Variants in TET1 observed in about 807,000 individuals in gnomAD.
TET1 encodes methylcytosine dioxygenase TET1.
A neutral mutation model predicts 148.7 loss-of-function variants in TET1; 13 were observed. The ratio of observed to expected loss-of-function variants is 0.09; its 90% CI spans 0.06 to 0.14. The LOEUF is 0.14. TET1 is among the 10% of genes least tolerant of loss of function. The pLI is 1.00. For missense variants in TET1, 2,182 were observed against 2,553.8 expected, an observed-to-expected ratio of 0.85 and a Z score of 3.14; for synonymous variants, 907 against 937.2, an observed-to-expected ratio of 0.97 and a Z score of 0.59.
At chr10:68,596,042 A>ATATG (rs1327877827) in intron 2 of TET1, among the ~76,000 whole-genome samples, 5 of 138,784 alleles carry the variant, frequency 3.6e-5, no homozygotes, top group African/African-American at 1.4e-4. Context: ...ATATATATAT[A>ATATG]TACACATTTT....
At chr10:68,672,372 C>T (rs948280724) in intron 7 of TET1, among the ~76,000 whole-genome samples, 1 of 150,074 alleles carries the variant, frequency 6.7e-6, no homozygotes, top group Non-Finnish European at 1.5e-5. Flanking sequence ...CCTGTAATCT[C>T]GGCTACTCAG....
chr10:68,678,013 G>C (rs556336995), intron 8 of TET1, among the ~76,000 whole-genome samples: 1 of 150,054 alleles, frequency 6.7e-6, no homozygotes, highest in Non-Finnish European at 1.5e-5. Flanking sequence ...CACCCACCTC[G>C]GCCTTCCAAA....
At chr10:68,577,744 G>A (rs940682512) in intron 2 of TET1, among the ~76,000 whole-genome samples, 4 of 152,154 alleles carry the variant, frequency 2.6e-5, no homozygotes, top group Admixed American at 6.5e-5. Flanking sequence ...GGAGGGGGGC[G>A]TTGCAGTGAG....
intron 2 of TET1, among the ~76,000 whole-genome samples, chr10:68,578,398 A>G (rs1021886918): frequency 1.3e-5 from 2 of 152,104 alleles, no homozygotes; most frequent in Non-Finnish European, 2.9e-5. Context: ...AGCTGGGATT[A>G]CAGGCACCTG....
chr10:68,666,504 T>C (rs946910656), intron 6 of TET1, among the ~76,000 whole-genome samples: 1 of 152,212 alleles, frequency 6.6e-6, no homozygotes, highest in Non-Finnish European at 1.5e-5. Context: ...ATGGTTTTTT[T>C]CCATCGTCTA....
At chr10:68,615,585 A>G (rs554711677) in intron 3 of TET1, among the ~76,000 whole-genome samples, 1 of 151,998 alleles carries the variant, frequency 6.6e-6, no homozygotes, top group South Asian at 2.1e-4. Context: ...ACCTCAAGTG[A>G]TCCACCTGCC....
At chr10:68,682,301 G>A (rs1468576160) in intron 9 of TET1, among the ~76,000 whole-genome samples, 1 of 151,446 alleles carries the variant, frequency 6.6e-6, no homozygotes, top group East Asian at 2.0e-4. Flanking sequence ...TAGTAGAGAT[G>A]GGGTTTCACC....
chr10:68,577,111 C>T (rs1221140876), intron 2 of TET1, among the ~76,000 whole-genome samples: 3 of 152,284 alleles, frequency 2.0e-5, no homozygotes, highest in African/African-American at 7.2e-5. Context: ...AGGGTTTCAC[C>T]GTGTTAGCCA....
chr10:68,652,068 C>T, intron 5 of TET1, 132 bp downstream of exon 5: 1 of 829,356 alleles, frequency 1.2e-6, no homozygotes, highest in South Asian at 1.9e-5. Flanking sequence ...TCTTAGGGCC[C>T]AACAAAAGAG....
chr10:68,615,268 A>G (rs994758421), intron 3 of TET1, among the ~76,000 whole-genome samples: 11 of 151,462 alleles, frequency 7.3e-5, no homozygotes, highest in African/African-American at 2.7e-4. Flanking sequence ...CCCTACCCTG[A>G]GGTTTCTTTT....
rs538896327 is a variant in TET1, at chr10:68,586,446, G to A, written c.1914+12194G>A. 1.8e-4 allele frequency among the ~76,000 whole-genome samples: 27 copies of A among 151,238 alleles called. No individual in the cohort carries two copies. In the East Asian group the frequency reaches 5.1e-3, roughly 28 times the overall value. ...GCTTGCCTCGGCCTCCCAGCTTGCT[G>A]GGATTGCAGGCGTGTGCCATTGCAC... On this transcript the variant is annotated intron_variant, in intron 2 of 11. Transcript: ENST00000373644.
intron 2 of TET1, among the ~76,000 whole-genome samples, chr10:68,580,449 G>A (rs10998302): frequency 6.7e-6 from 1 of 148,182 alleles, no homozygotes; most frequent in African/African-American, 2.5e-5. Context: ...CCTCCCAGTA[G>A]CTGGTACTAC....
intron 5 of TET1, 85 bp downstream of exon 5, chr10:68,652,021 G>A (rs1295754228): frequency 2.1e-5 from 27 of 1,262,704 alleles, no homozygotes; most frequent in Admixed American, 6.3e-5. Flanking sequence ...AACAAACGCC[G>A]TGATTGAAAA....
intron 6 of TET1, among the ~76,000 whole-genome samples, chr10:68,655,266 C>T (rs886108737): frequency 2.0e-5 from 3 of 152,294 alleles, no homozygotes; most frequent in African/African-American, 7.2e-5. Flanking sequence ...AATTTTCTTG[C>T]TTTCCACCTT....
At chr10:68,672,520 A>AG (rs1198109359) in intron 7 of TET1, among the ~76,000 whole-genome samples, 6 of 149,678 alleles carry the variant, frequency 4.0e-5, no homozygotes, top group African/African-American at 1.2e-4. Context: ...AACACCAAAA[A>AG]AAAAAAAAAG....
At chr10:68,567,399 A>T (rs532508070) in intron 1 of TET1, among the ~76,000 whole-genome samples, 1 of 152,006 alleles carries the variant, frequency 6.6e-6, no homozygotes, top group Non-Finnish European at 1.5e-5. Flanking sequence ...GGTTCAAGTG[A>T]TTCTCCTGCC....
At chr10:68,589,288 GTTTCTCCCAGA>G (rs377215538) in intron 2 of TET1, among the ~76,000 whole-genome samples, 11 of 151,932 alleles carry the variant, frequency 7.2e-5, no homozygotes, top group African/African-American at 2.7e-4. Context: ...TCAGCAGGAG[GTTTCTCCCAGA>G]TTATCAATTT....
chr10:68,627,015 G>A (rs1361694945), intron 3 of TET1, among the ~76,000 whole-genome samples: 1 of 152,210 alleles, frequency 6.6e-6, no homozygotes, highest in Non-Finnish European at 1.5e-5. Context: ...GCTCATGCCT[G>A]TAATCCCAAC....
In TET1 at chr10:68,565,475, A is replaced by AAAAATATAT. The variant is rs1388182777; in HGVS notation, c.-123+4734_-123+4735insAAATATATA. ...AGCAAGACCCTGTTTAAAAAAAAAAAATATATATATATATATATATATATG... is the reference window on the plus strand; with the variant it reads ...AGCAAGACCCTGTTTAAAAAAAAAAAAAAATATATATATATATATATATATATATATATG... On this transcript the variant is annotated intron_variant, in intron 1 of 11. Transcript: ENST00000373644. Among the ~76,000 whole-genome samples, 94 of 129,216 alleles carry AAAAATATAT rather than the reference A, an allele frequency of 7.3e-4. No individual in the cohort carries two copies. The South Asian group carries it at 0.01, about 14-fold the overall frequency. 84.8% of individuals were successfully genotyped at this position (129,216 alleles called of 152,430 possible).
Sources: allele counts gnomAD v4.1 joint callset (sites outside exome capture counted in the v4.1 genomes callset), GRCh38; gene constraint gnomAD v4.1.1; transcripts MANE v1.5; gene names NCBI Gene and HGNC (gene_info 2026-07-23, HGNC 2026-07-21).